TMEM120B: variants seen among roughly 807,000 people sequenced by gnomAD.
TMEM120B encodes the protein transmembrane protein 120B.
A neutral mutation model predicts 55.5 loss-of-function variants in TMEM120B; 31 were observed. The observed-to-expected ratio is 0.56, with a 90% CI of 0.42 to 0.75. The LOEUF is 0.75. TMEM120B is among the 30% of genes least tolerant of loss of function. The pLI is 0.00. For synonymous variants in TMEM120B, 203 were observed against 176.3 expected, an observed-to-expected ratio of 1.15 and a Z score of -1.20; for missense variants, 399 against 425.5, an observed-to-expected ratio of 0.94 and a Z score of 0.55.
At chr12:121,714,595 C>G (rs1244544238) in intron 1 of TMEM120B, among the ~76,000 whole-genome samples, 1 of 118,618 alleles carries the variant, frequency 8.4e-6, no homozygotes, top group Non-Finnish European at 1.7e-5. Flanking sequence ...TAGAGTCTTG[C>G]TCTGTCACCA....
intron 1 of TMEM120B, among the ~76,000 whole-genome samples, chr12:121,714,127 T>C (rs1159215530): frequency 1.3e-5 from 2 of 152,184 alleles, no homozygotes; most frequent in Non-Finnish European, 2.9e-5. Flanking sequence ...GGAAGGGACC[T>C]AGACACATCT....
rs966292021 is a variant in TMEM120B, at chr12:121,780,218, C to G, written c.*4496C>G. ...GATTACAGGCATGCGCCACCATGCC[C>G]GGCTAATGTTGTATTTTTAGTAGAG... On this transcript the variant is annotated 3_prime_UTR_variant, in exon 12 of 12. Transcript: ENST00000449592. 2 of 156,008 alleles carry G rather than the reference C, an allele frequency of 1.3e-5. No homozygotes were observed. Among genetic ancestry groups the G allele is most frequent in the Non-Finnish European group, 2.9e-5 (2 of 69,908 alleles). 9.7% of individuals were successfully genotyped at this position (156,008 alleles called of 1,614,324 possible). A position where few individuals can be genotyped will look rare whatever the true frequency, so the allele number is the denominator to read the frequency against.
At chr12:121,756,136 T>C (rs1873468987) in intron 5 of TMEM120B, among the ~76,000 whole-genome samples, 1 of 152,156 alleles carries the variant, frequency 6.6e-6, no homozygotes, top group Admixed American at 6.5e-5. Flanking sequence ...CCAAAGATGT[T>C]CATGTCCTGG....
chr12:121,758,096 C>T (rs1873536808), intron 5 of TMEM120B: 3 of 934,420 alleles, frequency 3.2e-6, no homozygotes, highest in Non-Finnish European at 3.8e-6. Context: ...TCCAGCCTGA[C>T]TCTAAAAACA....
chr12:121,751,661 C>T (rs1010448212), intron 4 of TMEM120B, among the ~76,000 whole-genome samples: 7 of 147,636 alleles, frequency 4.7e-5, no homozygotes, highest in Admixed American at 1.3e-4. Context: ...TCCCCTCCCT[C>T]CCCTCCCTCC....
chr12:121,762,111 T>G (rs973371997), intron 6 of TMEM120B, among the ~76,000 whole-genome samples: 2 of 152,022 alleles, frequency 1.3e-5, no homozygotes, highest in Non-Finnish European at 2.9e-5. Flanking sequence ...GCCAACATAG[T>G]GAAACCCTGT....
intron 1 of TMEM120B, among the ~76,000 whole-genome samples, chr12:121,728,540 A>T (rs11043184): frequency 6.6e-6 from 1 of 150,996 alleles, no homozygotes; most frequent in South Asian, 2.1e-4. Context: ...GGCTTGTGTC[A>T]AACCCCTGAC....
intron 1 of TMEM120B, among the ~76,000 whole-genome samples, chr12:121,741,935 C>T (rs1198715875): frequency 6.6e-6 from 1 of 152,008 alleles, no homozygotes; most frequent in Non-Finnish European, 1.5e-5. Context: ...TCACAGCATT[C>T]TTGGATGTCT....
chr12:121,745,947 G>A (rs955064614), intron 2 of TMEM120B, among the ~76,000 whole-genome samples: 1 of 151,580 alleles, frequency 6.6e-6, no homozygotes, highest in Non-Finnish European at 1.5e-5. Flanking sequence ...CTGAACCTCT[G>A]CCTCCCGGGT....
At chr12:121,754,505 CA>C (rs1873424525) in intron 5 of TMEM120B, among the ~76,000 whole-genome samples, 1 of 152,198 alleles carries the variant, frequency 6.6e-6, no homozygotes, top group Admixed American at 6.5e-5. Context: ...CAGGGCGTGG[CA>C]GGGCCATGCC....
At chr12:121,750,252 C>A in intron 3 of TMEM120B, 128 bp from the exon 4 acceptor site, 1 of 860,524 alleles carries the variant, frequency 1.2e-6, no homozygotes, top group Non-Finnish European at 1.9e-6. Context: ...CATTTGCCCG[C>A]TGAGCTTAGG....
rs1231781305 is a variant in TMEM120B, at chr12:121,773,528, C to G, written c.772+15C>G. 2 of 1,571,572 alleles carry G rather than the reference C, an allele frequency of 1.3e-6. No homozygotes were observed. The highest frequency in any genetic ancestry group is 1.7e-6 in the Non-Finnish European group (2 of 1,156,946). ...TCTCACAGTGGGTGAGTAGCTGGGC[C>G]TGGGTTGGAGCCGGGGCAGGTACTG... is the stretch of plus-strand genomic sequence containing the variant. On this transcript the variant is annotated intron_variant, in intron 9 of 11. Coordinates refer to ENST00000449592, the MANE Select transcript of TMEM120B (RefSeq NM_001080825.2).
At chr12:121,754,274 A>G (rs1386178625) in intron 5 of TMEM120B, among the ~76,000 whole-genome samples, 1 of 152,146 alleles carries the variant, frequency 6.6e-6, no homozygotes, top group Admixed American at 6.5e-5. Context: ...AAAAGTTGTC[A>G]ATGTGCAGCC....
In TMEM120B at chr12:121,712,758, G is replaced by A. The variant is rs1265382648; in HGVS notation, c.-138G>A. On this transcript the variant is annotated 5_prime_UTR_variant, in exon 1 of 12. Transcript: ENST00000449592. ...GGGGCGGGGCCGTGACGTCAGTTGC[G>A]CGCGTGGCTCTGGCTGCGCAGGAAC... is the stretch of plus-strand genomic sequence containing the variant. The A allele has an allele frequency of 1.5e-5, 7 of 471,510 alleles. No homozygotes were observed. The highest frequency in any genetic ancestry group is 2.2e-5 in the Non-Finnish European group (7 of 312,358). The allele number at this position is 471,510 out of a possible 1,614,324, so 29.2% of individuals were successfully genotyped here. A position where few individuals can be genotyped will look rare whatever the true frequency, so the allele number is the denominator to read the frequency against.
chr12:121,765,706 G>A (rs957910037), intron 6 of TMEM120B, among the ~76,000 whole-genome samples: 1 of 152,188 alleles, frequency 6.6e-6, no homozygotes, highest in Admixed American at 6.5e-5. Flanking sequence ...AGGGAGCAAG[G>A]CAGGTGGGCT....
chr12:121,746,181 G>GCA (rs1566514814), intron 2 of TMEM120B, among the ~76,000 whole-genome samples: 1 of 142,802 alleles, frequency 7.0e-6, no homozygotes, highest in Non-Finnish European at 1.5e-5. Context: ...TTCTTAAACC[G>GCA]CCCCCCCACT....
intron 6 of TMEM120B, among the ~76,000 whole-genome samples, chr12:121,762,635 G>A (rs886429651): frequency 6.6e-6 from 1 of 152,186 alleles, no homozygotes; most frequent in Admixed American, 6.5e-5. Context: ...GGAGAGGAAT[G>A]GTTCCTCAGA....
rs560049758 is a variant in TMEM120B at position 121,755,779 on chromosome 12, TCA to T, written c.461+3557_461+3558del. On this transcript the variant is annotated intron_variant, in intron 5 of 11. Coordinates refer to ENST00000449592, the MANE Select transcript of TMEM120B (RefSeq NM_001080825.2). ...ATGAGGGGACAGCGTAGAACATGCCTCAGAGTTATCCCACCTGAGGGTGAGGG... is the reference window on the plus strand; with the variant it reads ...ATGAGGGGACAGCGTAGAACATGCCTGAGTTATCCCACCTGAGGGTGAGGG... Among the ~76,000 whole-genome samples, 69 of 152,300 alleles carry T rather than the reference TCA, an allele frequency of 4.5e-4. 1 individual carries two copies. The highest frequency in any genetic ancestry group is 1.2e-3 in the Admixed American group (19 of 15,292).
At chr12:121,737,539 C>G (rs1246928805) in intron 1 of TMEM120B, among the ~76,000 whole-genome samples, 1 of 151,904 alleles carries the variant, frequency 6.6e-6, no homozygotes, top group Non-Finnish European at 1.5e-5. Flanking sequence ...AAGCTCTGTC[C>G]CATGAGGTTG....
Sources: gnomAD v4.1 joint callset for allele counts (sites outside exome capture counted in the v4.1 genomes callset) on GRCh38, gnomAD v4.1.1 for gene constraint, MANE v1.5 for transcripts, NCBI Gene and HGNC (gene_info 2026-07-23, HGNC 2026-07-21) for gene names.